ACSS3: variants seen among roughly 807,000 people sequenced by gnomAD.
The protein encoded by ACSS3 is acyl-CoA synthetase short-chain family member 3, mitochondrial.
In ACSS3, 64 loss-of-function variants were observed where a neutral mutation model predicts 84.2. The ratio of observed to expected loss-of-function variants is 0.76; its 90% CI spans 0.62 to 0.94. The LOEUF (loss-of-function observed/expected upper bound fraction) is 0.94. ACSS3 is among the 40% of genes least tolerant of loss of function. ACSS3 has a pLI of 0.00. For synonymous variants in ACSS3, 317 were observed against 310.1 expected, an observed-to-expected ratio of 1.02 and a Z score of -0.23; for missense variants, 815 against 867.6, an observed-to-expected ratio of 0.94 and a Z score of 0.76.
intron 5 of ACSS3, among the ~76,000 whole-genome samples, chr12:81,148,847 G>T (rs1473858696): frequency 1.4e-5 from 2 of 147,506 alleles, no homozygotes; most frequent in Non-Finnish European, 3.0e-5. Flanking sequence ...AGATCACGAG[G>T]TCTGGAGATC....
At chr12:81,082,126 T>G (rs1011488687) in intron 1 of ACSS3, among the ~76,000 whole-genome samples, 2 of 152,196 alleles carry the variant, frequency 1.3e-5, no homozygotes, top group African/African-American at 4.8e-5. Context: ...TATGGACATA[T>G]TGTGTGATGT....
At position 81,259,923 on chromosome 12, in the gene ACSS3, T is replaced by C; in HGVS notation, c.*5001T>C. ...GCAGTAATGTAAACAAAGGTAGTTA[T>C]GCAAAATGTTAGCATGCCTTCTGAA... is the stretch of plus-strand genomic sequence containing the variant. On this transcript the variant is annotated 3_prime_UTR_variant, in exon 16 of 16. Coordinates refer to ENST00000548058, the MANE Select transcript of ACSS3 (RefSeq NM_024560.4). The C allele has an allele frequency of 3.1e-6, 1 of 320,772 alleles. No homozygotes were observed. The highest frequency in any genetic ancestry group is 4.9e-5 in the East Asian group (1 of 20,548). The allele number at this position is 320,772 out of a possible 1,614,324, so 19.9% of individuals were successfully genotyped here.
At chr12:81,117,611 A>C (rs757945388) in intron 2 of ACSS3, among the ~76,000 whole-genome samples, 4 of 152,174 alleles carry the variant, frequency 2.6e-5, no homozygotes, top group Non-Finnish European at 5.9e-5. Flanking sequence ...TTAGGTGAGT[A>C]TCCAGGAGTC....
intron 7 of ACSS3, among the ~76,000 whole-genome samples, chr12:81,171,403 T>A (rs1248848966): frequency 6.6e-6 from 1 of 152,096 alleles, no homozygotes; most frequent in East Asian, 1.9e-4. Flanking sequence ...GAATAGAAGG[T>A]CTTAAGAAAG....
intron 1 of ACSS3, among the ~76,000 whole-genome samples, chr12:81,103,428 A>T (rs1333598915): frequency 6.6e-6 from 1 of 152,190 alleles, no homozygotes; most frequent in Non-Finnish European, 1.5e-5. Context: ...TACTGGAATG[A>T]TTTTATTTAA....
chr12:81,214,743 C>G (rs1340826960), intron 9 of ACSS3, among the ~76,000 whole-genome samples: 2 of 152,154 alleles, frequency 1.3e-5, no homozygotes, highest in Non-Finnish European at 2.9e-5. Context: ...GCGATAGGAA[C>G]AACAGAGTGA....
chr12:81,134,832 G>GT lies in ACSS3; in HGVS notation c.474dup (p.Val159CysfsTer11), dbSNP rs1376000532. On this transcript the variant is annotated frameshift_variant, in exon 3 of 16. Transcript: ENST00000548058. LOFTEE classifies it high-confidence loss of function. ...TTGGCATAGGTCTCCAAGCTGGCTG[G>GT]TGTCTTGGTCAAGCATGGCATCAAG... 1 of 1,560,156 alleles carries GT rather than the reference G, an allele frequency of 6.4e-7. No individual in the cohort carries two copies. Among genetic ancestry groups the GT allele is most frequent in the East Asian group, 2.3e-5 (1 of 42,898 alleles).
At chr12:81,241,512 T>C (rs1485640388) in intron 13 of ACSS3, among the ~76,000 whole-genome samples, 1 of 152,204 alleles carries the variant, frequency 6.6e-6, no homozygotes, top group Non-Finnish European at 1.5e-5. Flanking sequence ...TTCCTGACTT[T>C]TTAGTGATCG....
At chr12:81,182,420 T>C (rs2030996172) in intron 8 of ACSS3, among the ~76,000 whole-genome samples, 2 of 152,200 alleles carry the variant, frequency 1.3e-5, no homozygotes. Context: ...AACAAAGGGA[T>C]GATTATTACT....
intron 11 of ACSS3, among the ~76,000 whole-genome samples, chr12:81,222,510 A>G (rs1337745404): frequency 6.6e-6 from 1 of 152,130 alleles, no homozygotes; most frequent in Non-Finnish European, 1.5e-5. Flanking sequence ...AAGGATTCAC[A>G]TATTCCAATG....
chr12:81,202,093 C>T (rs535358080), intron 9 of ACSS3, among the ~76,000 whole-genome samples: 110 of 152,120 alleles, frequency 7.2e-4, no homozygotes, highest in Non-Finnish European at 1.3e-3. Context: ...GCCTGACCAA[C>T]ATGGTGAAAC....
intron 1 of ACSS3, among the ~76,000 whole-genome samples, chr12:81,083,481 C>T (rs1405827894): frequency 6.6e-6 from 1 of 151,942 alleles, no homozygotes; most frequent in Non-Finnish European, 1.5e-5. Context: ...CCTCAGCCTC[C>T]CAAGTAACTG....
intron 10 of ACSS3, among the ~76,000 whole-genome samples, chr12:81,217,506 T>A (rs967469214): frequency 6.6e-6 from 1 of 152,206 alleles, no homozygotes; most frequent in Admixed American, 6.5e-5. Context: ...ATGCTGCATT[T>A]TAATTTAGGA....
At chr12:81,242,607 C>T (rs1367938141) in intron 13 of ACSS3, among the ~76,000 whole-genome samples, 1 of 148,798 alleles carries the variant, frequency 6.7e-6, no homozygotes, top group South Asian at 2.2e-4. Flanking sequence ...CAAAAATCCT[C>T]AATAAAATAC....
At chr12:81,097,741 G>A (rs984740086) in intron 1 of ACSS3, among the ~76,000 whole-genome samples, 1 of 152,092 alleles carries the variant, frequency 6.6e-6, no homozygotes, top group Non-Finnish European at 1.5e-5. Context: ...ATAAAATTAC[G>A]ATCGTGGAAG....
At chr12:81,149,971 C>A (rs940887057) in intron 5 of ACSS3, among the ~76,000 whole-genome samples, 5 of 152,066 alleles carry the variant, frequency 3.3e-5, no homozygotes, top group Admixed American at 6.5e-5. Context: ...AATTTACAGA[C>A]AAAGTGACAT....
Position 81,253,378 on chromosome 12 carries a change from C to T in ACSS3, c.1791C>T (p.Val597=). Residue 597 remains valine, a synonymous_variant, in exon 14 of 16, where the codon GTC becomes GTT. Coordinates refer to ENST00000548058, the MANE Select transcript of ACSS3 (RefSeq NM_024560.4). ...AGGAAGATCCCTTAAAAGGTCATGTCCCCTTAGCACTCTGTGTATTGAGAA... is the reference window on the plus strand; with the variant it reads ...AGGAAGATCCCTTAAAAGGTCATGTTCCCTTAGCACTCTGTGTATTGAGAA... ...VGKEDPLKGH[V]PLALCVLRKD... 6.2e-7 allele frequency: 1 copy of T among 1,613,940 alleles called. No homozygotes were observed. Among genetic ancestry groups the T allele is most frequent in the Non-Finnish European group, 8.5e-7 (1 of 1,179,886 alleles).
At chr12:81,083,628 G>A (rs934740712) in intron 1 of ACSS3, among the ~76,000 whole-genome samples, 2 of 151,704 alleles carry the variant, frequency 1.3e-5, no homozygotes, top group African/African-American at 2.4e-5. Flanking sequence ...CCAAAGTGCT[G>A]GGATTACAGG....
At chr12:81,206,723 A>G (rs1489631110) in intron 9 of ACSS3, among the ~76,000 whole-genome samples, 1 of 152,122 alleles carries the variant, frequency 6.6e-6, no homozygotes, top group Non-Finnish European at 1.5e-5. Context: ...ATTTTTACTG[A>G]TAATTTGAAA....
Sources: allele counts gnomAD v4.1 joint callset (sites outside exome capture counted in the v4.1 genomes callset), GRCh38; gene constraint gnomAD v4.1.1; transcripts MANE v1.5; gene names NCBI Gene and HGNC (gene_info 2026-07-23, HGNC 2026-07-21).